The following GOLGA8K variants were observed in gnomAD, a reference collection of about 807,000 sequenced individuals.
GOLGA8K encodes golgin subfamily A member 8K.
Under a neutral mutation model 75.2 loss-of-function variants are expected in GOLGA8K, and 12 were observed. That is an observed-to-expected ratio of 0.16 (90% CI 0.10 to 0.26). GOLGA8K has a LOEUF of 0.26. Ranked by LOEUF, GOLGA8K falls within the 10% of genes least tolerant of loss-of-function variation. The pLI is 1.00. For synonymous variants in GOLGA8K, 48 were observed against 236.6 expected (o/e 0.20, Z 7.32); for missense variants, 109 against 640.8 (o/e 0.17, Z 8.96).
chr15:32,398,221 G>A (rs1211464327), intron 8 of GOLGA8K, among the ~76,000 whole-genome samples: 3 of 144,138 alleles, frequency 2.1e-5, no homozygotes, highest in African/African-American at 7.7e-5. Flanking sequence ...CTACAGAAAT[G>A]GTAACATACT....
intron 12 of GOLGA8K, 23 bp downstream of exon 12, chr15:32,396,264 G>C: frequency 1.4e-6 from 1 of 713,408 alleles, no homozygotes; most frequent in Admixed American, 3.5e-5. Context: ...AGGAGGGCAA[G>C]CTCCCCAGTT....
chr15:32,397,335 G>A lies in GOLGA8K; in HGVS notation c.679-25C>T, dbSNP rs372961117. 5,416 of 1,548,402 alleles carry A rather than the reference G, an allele frequency of 3.5e-3. 502 individuals are homozygous for A. In the African/African-American group the frequency reaches 0.063, roughly 18 times the overall value. On this transcript the variant is annotated intron_variant, in intron 9 of 18. Coordinates refer to ENST00000512626, the MANE Select transcript of GOLGA8K (RefSeq NM_001282493.2). ...ACTGCAAGAATGGGCACAGAACTTA[G>A]GAAGGGCTGTCACTGGTCCTCACCT...
Position 32,394,238 on chromosome 15 carries a change from G to C in GOLGA8K, c.1277-5C>G, listed in dbSNP as rs751266942. 11 of 1,526,686 alleles carry C rather than the reference G, an allele frequency of 7.2e-6. No homozygotes were observed. The Admixed American group carries it at 7.7e-5, about 11-fold the overall frequency. The allele number at this position is 1,526,686 out of a possible 1,614,324, so 94.6% of individuals were successfully genotyped here. On this transcript the variant is annotated splice_region_variant and splice_polypyrimidine_tract_variant and intron_variant, in intron 14 of 18. Coordinates refer to ENST00000512626, the MANE Select transcript of GOLGA8K (RefSeq NM_001282493.2). Reference sequence around the variant, plus strand: ...TGTCCAGATGTTCTCCGTGTCCTGTGGGGGGTGGCCAGAGGGGTCTTCAGA... The same window carrying C: ...TGTCCAGATGTTCTCCGTGTCCTGTCGGGGGTGGCCAGAGGGGTCTTCAGA...
Position 32,398,163 on chromosome 15 carries a change from TACACACACAC to T in GOLGA8K, c.591+387_591+396del, listed in dbSNP as rs751814239. The stretch of plus-strand genomic sequence containing the variant: ...GTTTTATGTATATTATCACAGTATG[TACACACACAC>T]ACACACACACACACACACATGCACG... On this transcript the variant is annotated intron_variant, in intron 8 of 18. Transcript: ENST00000512626. Among the ~76,000 whole-genome samples the T allele has an allele frequency of 3.6e-4, 44 of 123,882 alleles. No individual in the cohort carries two copies. The East Asian group carries it at 5.1e-3, about 14-fold the overall frequency. 81.3% of individuals were successfully genotyped at this position (123,882 alleles called of 152,430 possible). A position where few individuals can be genotyped will look rare whatever the true frequency, so the allele number is the denominator to read the frequency against.
At chr15:32,398,191 C>CACAT (rs1226482330) in intron 8 of GOLGA8K, among the ~76,000 whole-genome samples, 1 of 138,584 alleles carries the variant, frequency 7.2e-6, no homozygotes, top group Non-Finnish European at 1.6e-5. Context: ...CACACACACA[C>CACAT]ATGCACGCGT....
intron 13 of GOLGA8K, 37 bp downstream of exon 13, chr15:32,395,926 C>A: frequency 1.0e-5 from 15 of 1,481,020 alleles, no homozygotes; most frequent in Non-Finnish European, 1.4e-5. Flanking sequence ...GCCTCCCAGC[C>A]CTTCTTGGAT....
At chr15:32,395,845 C>T in intron 13 of GOLGA8K, 118 bp downstream of exon 13, 1 of 1,513,736 alleles carries the variant, frequency 6.6e-7, no homozygotes, top group South Asian at 1.2e-5. Context: ...CTGGGGGGTG[C>T]TGTGGTCACC....
chr15:32,402,577 CTG>C, intron 1 of GOLGA8K: 1 of 535,786 alleles, frequency 1.9e-6, no homozygotes, highest in Non-Finnish European at 2.5e-6. Context: ...ACTAGGTGGA[CTG>C]TGACATCACA....
chr15:32,395,783 A>T (rs947159683), intron 13 of GOLGA8K, among the ~76,000 whole-genome samples, 180 bp downstream of exon 13: 5 of 148,974 alleles, frequency 3.4e-5, no homozygotes, highest in African/African-American at 1.2e-4. Context: ...AGAGGAGCCC[A>T]GGGCTACCCA....
intron 8 of GOLGA8K, 94 bp from the exon 9 acceptor site, chr15:32,397,597 A>G: frequency 7.1e-7 from 1 of 1,408,952 alleles, no homozygotes; most frequent in Admixed American, 1.9e-5. Flanking sequence ...CCAATATACA[A>G]CTCGGTCAGT....
chr15:32,397,737 T>C (rs868697534), intron 8 of GOLGA8K, among the ~76,000 whole-genome samples: 336 of 152,192 alleles, frequency 2.2e-3, no homozygotes, highest in African/African-American at 7.7e-3. Context: ...AATATTGCTG[T>C]TGTTATTATT....
chr15:32,398,163 TACACACACACAC>T (rs751814239), intron 8 of GOLGA8K, among the ~76,000 whole-genome samples: 2 of 123,984 alleles, frequency 1.6e-5, no homozygotes, highest in South Asian at 5.2e-4. Flanking sequence ...TCACAGTATG[TACACACACACAC>T]ACACACACAC....
Position 32,397,592 on chromosome 15 carries a change from A to T in GOLGA8K, c.592-89T>A, listed in dbSNP as rs2054642201. 2.0e-5 allele frequency: 28 copies of T among 1,424,390 alleles called. 1 individual carries two copies. In the East Asian group the frequency reaches 6.6e-4, roughly 33 times the overall value. 88.2% of individuals were successfully genotyped at this position (1,424,390 alleles called of 1,614,324 possible). ...TAACAGGGCTAGGGCTAGGCCCAATATACAACTCGGTCAGTAAAGATCAAG... is the reference window on the plus strand; with the variant it reads ...TAACAGGGCTAGGGCTAGGCCCAATTTACAACTCGGTCAGTAAAGATCAAG... On this transcript the variant is annotated intron_variant, in intron 8 of 18. Coordinates refer to ENST00000512626, the MANE Select transcript of GOLGA8K (RefSeq NM_001282493.2).
In GOLGA8K at chr15:32,396,967, C is replaced by A; in HGVS notation, c.827G>T (p.Arg276Leu). ...CAAGCTCCTCTCCAGCTTCTCTACC[C>A]GACGCATATCTTGCTGCTTCTCTTT... ...LKKEKQQDMRRVEKLERSLSK... is the reference protein window; with the variant it reads ...LKKEKQQDMRLVEKLERSLSK... Residue 276 changes from arginine to leucine, a missense_variant, in exon 11 of 19, where the codon CGG (arginine) becomes CTG (leucine). Coordinates refer to ENST00000512626, the MANE Select transcript of GOLGA8K (RefSeq NM_001282493.2). 1.5e-6 allele frequency: 1 copy of A among 673,796 alleles called. No individual in the cohort carries two copies. The highest frequency in any genetic ancestry group is 1.7e-5 in the South Asian group (1 of 57,402). 41.7% of individuals were successfully genotyped at this position (673,796 alleles called of 1,614,324 possible).
rs1356376795 is a variant in GOLGA8K, at chr15:32,394,153, C to G, written c.1357G>C (p.Glu453Gln). 2 of 1,084,998 alleles carry G rather than the reference C, an allele frequency of 1.8e-6. No individual in the cohort carries two copies. The highest frequency in any genetic ancestry group is 2.5e-6 in the Non-Finnish European group (2 of 802,052). 67.2% of individuals were successfully genotyped at this position (1,084,998 alleles called of 1,614,324 possible). Residue 453 changes from glutamate (E) to glutamine (Q), a missense_variant, in exon 15 of 19, where the codon GAG becomes CAG. Transcript: ENST00000512626. ...PSVPEDLESR[E>Q]AMSSFMDHLK... Reference sequence around the variant, plus strand: ...GGGGGAGTCAGGCTCACCATGGCCTCCCTGCTCTCCAGGTCCTCTGGGACA... The same window carrying G: ...GGGGGAGTCAGGCTCACCATGGCCTGCCTGCTCTCCAGGTCCTCTGGGACA...
chr15:32,394,794 C>T (rs2054586734), intron 13 of GOLGA8K, 54 bp from the exon 14 acceptor site: 1 of 1,435,404 alleles, frequency 7.0e-7, no homozygotes, highest in South Asian at 1.2e-5. Context: ...TCATCCCCCT[C>T]ACAGCCCCAT....
intron 14 of GOLGA8K, 67 bp from the exon 15 acceptor site, chr15:32,394,300 C>A: frequency 1.5e-6 from 1 of 645,190 alleles, no homozygotes; most frequent in Non-Finnish European, 2.7e-6. Context: ...CCCACCTCTA[C>A]CTCCACCCTC....
At chr15:32,396,745 GGACACTGA>G (rs1373701085) in intron 11 of GOLGA8K, among the ~76,000 whole-genome samples, 167 bp downstream of exon 11, 44 of 146,222 alleles carry the variant, frequency 3.0e-4, no homozygotes, top group Admixed American at 2.4e-3. Flanking sequence ...TTGCTGATGG[GGACACTGA>G]GACACTGAGA....
At chr15:32,393,269 CCA>C (rs2054558141) in intron 17 of GOLGA8K, 22 bp downstream of exon 17, 9 of 1,185,408 alleles carry the variant, frequency 7.6e-6, no homozygotes, top group Middle Eastern at 5.3e-4. Context: ...ACCCCCACCC[CCA>C]CAGAGATGTT....
Sources: allele counts gnomAD v4.1 joint callset (sites outside exome capture counted in the v4.1 genomes callset), GRCh38; gene constraint gnomAD v4.1.1; transcripts MANE v1.5; gene names NCBI Gene and HGNC (gene_info 2026-07-23, HGNC 2026-07-21).